The following ZC3H7A variants were observed in gnomAD, a reference collection of about 807,000 sequenced individuals.
The protein encoded by ZC3H7A is zinc finger CCCH-type containing 7A.
A neutral mutation model predicts 125.5 loss-of-function variants in ZC3H7A; 44 were observed. That is an observed-to-expected ratio of 0.35 (90% CI 0.28 to 0.45). The LOEUF (loss-of-function observed/expected upper bound fraction) is 0.45. ZC3H7A is among the 20% of genes least tolerant of loss of function. The pLI, the probability that ZC3H7A is intolerant of heterozygous loss-of-function variation, is 1.00. For missense variants in ZC3H7A, 977 were observed against 1,170.7 expected (o/e 0.83, Z 2.41); for synonymous variants, 399 against 391.2 (o/e 1.02, Z -0.23).
intron 3 of ZC3H7A, 132 bp downstream of exon 3, chr16:11,781,283 AAAAATAAAAT>A (rs372902984): frequency 5.9e-5 from 43 of 722,986 alleles, no homozygotes; most frequent in East Asian, 1.5e-4. Flanking sequence ...TTATTTGCAA[AAAAATAAAAT>A]AAAATAAAAT....
At position 11,768,357 on chromosome 16, in the gene ZC3H7A, G is replaced by A. The variant is rs2052900142; in HGVS notation, c.1318C>T (p.His440Tyr). 1.3e-6 allele frequency: 2 copies of A among 1,584,438 alleles called. No individual in the cohort carries two copies. Among genetic ancestry groups the A allele is most frequent in the Non-Finnish European group, 1.7e-6 (2 of 1,161,824 alleles). ...ATCTGGCAAGCTTGTCTCAATTCAT[G>A]GGTTCCTTCGAGGGGATGTCTTGGA... ...VTPRHPLEGT[H>Y]ELRQACQICF... The change falls in exon 12 of 23, where the codon CAT (histidine) becomes TAT (tyrosine). Residue 440 changes from histidine to tyrosine, a missense_variant. His to Tyr is a moderately conservative substitution (Grantham distance 83). Around this residue, in one of 3 missense-constraint regions of ZC3H7A, gnomAD observed 342 missense variants for 311.3 expected, o/e 1.10. Transcript: ENST00000355758.
At chr16:11,760,139 A>AAAAAAAAAAAAAAAAAG (rs1555493882) in intron 19 of ZC3H7A, among the ~76,000 whole-genome samples, 3 of 149,702 alleles carry the variant, frequency 2.0e-5, no homozygotes, top group South Asian at 2.1e-4. Flanking sequence ...AAAAAAAAAA[A>AAAAAAAAAAAAAAAAAG]AAAAAAGAAA....
chr16:11,783,983 G>GC (rs1182292929), intron 1 of ZC3H7A, among the ~76,000 whole-genome samples: 3 of 136,844 alleles, frequency 2.2e-5, no homozygotes, highest in African/African-American at 7.8e-5. Context: ...CAACAAAAAA[G>GC]GGGGGGGCTG....
chr16:11,768,381 G>A lies in ZC3H7A; in HGVS notation c.1294C>T (p.Pro432Ser), dbSNP rs147099217. Reference protein sequence around the residue: ...AVTKPSSSVTPRHPLEGTHEL... With the variant: ...AVTKPSSSVTSRHPLEGTHEL... ...TGGGTTCCTTCGAGGGGATGTCTTG[G>A]AGTCACTGATGAAGATGGTTTGGTA... The change falls in exon 12 of 23, where the codon CCA becomes TCA. Residue 432 changes from proline (P) to serine (S), a missense_variant. By Grantham distance (74) the Pro-to-Ser change is moderately conservative. This residue lies in a region of ZC3H7A where 342 missense variants were observed against 311.3 expected (regional missense o/e 1.10). Coordinates refer to ENST00000355758, the MANE Select transcript of ZC3H7A (RefSeq NM_014153.4). 7 of 1,598,042 alleles carry A rather than the reference G, an allele frequency of 4.4e-6. No individual in the cohort carries two copies. The highest frequency in any genetic ancestry group is 6.0e-6 in the Non-Finnish European group (7 of 1,169,610).
intron 1 of ZC3H7A, among the ~76,000 whole-genome samples, chr16:11,787,161 G>A (rs1054847021): frequency 6.6e-6 from 1 of 152,028 alleles, no homozygotes; most frequent in Non-Finnish European, 1.5e-5. Flanking sequence ...ATTAAGCCAG[G>A]TGTGGTGGTA....
At chr16:11,762,591 C>T in intron 17 of ZC3H7A, 80 bp downstream of exon 17, 2 of 1,313,032 alleles carry the variant, frequency 1.5e-6, no homozygotes, top group East Asian at 2.3e-5. Flanking sequence ...TAAGTGTTAA[C>T]TGCATCCACC....
chr16:11,789,425 T>C (rs2053314204), intron 1 of ZC3H7A, among the ~76,000 whole-genome samples: 1 of 152,046 alleles, frequency 6.6e-6, no homozygotes, highest in African/African-American at 2.4e-5. Context: ...TGGCTAATTT[T>C]TGTATTTTTG....
chr16:11,762,582 A>C, intron 17 of ZC3H7A, 89 bp downstream of exon 17: 1 of 1,178,536 alleles, frequency 8.5e-7, no homozygotes, highest in East Asian at 2.4e-5. Context: ...ACTGGACTGT[A>C]AGTGTTAACT....
intron 13 of ZC3H7A, among the ~76,000 whole-genome samples, chr16:11,766,252 G>A (rs898755160): frequency 1.3e-5 from 2 of 152,216 alleles, no homozygotes; most frequent in Non-Finnish European, 2.9e-5. Flanking sequence ...CTTAAGGTTT[G>A]AGACAGTCTT....
chr16:11,777,346 T>C (rs2053097903), intron 4 of ZC3H7A, among the ~76,000 whole-genome samples: 1 of 152,220 alleles, frequency 6.6e-6, no homozygotes, highest in African/African-American at 2.4e-5. Context: ...ATGAATGCTC[T>C]TTAACAAAGA....
chr16:11,766,548 A>G (rs1175229914), intron 13 of ZC3H7A, among the ~76,000 whole-genome samples: 2 of 152,234 alleles, frequency 1.3e-5, no homozygotes, highest in Non-Finnish European at 2.9e-5. Flanking sequence ...CCTGGGAGAC[A>G]GAGCGAGACT....
intron 1 of ZC3H7A, among the ~76,000 whole-genome samples, chr16:11,787,486 A>C (rs1381000539): frequency 6.6e-6 from 1 of 152,060 alleles, no homozygotes; most frequent in East Asian, 1.9e-4. Flanking sequence ...TTTTGACACA[A>C]GGTCTTACCC....
intron 12 of ZC3H7A, 94 bp downstream of exon 12, chr16:11,768,192 TCAAAATAGGGATTGAAGAACCATAATAAC>T: frequency 9.9e-7 from 1 of 1,013,222 alleles, no homozygotes; most frequent in Non-Finnish European, 1.3e-6. Flanking sequence ...TAGGAAGAAT[TCAAAATAGGGATTGAAGAACCATAATAAC>T]TGATGTTGTT....
chr16:11,769,710 C>CAAAAA lies in ZC3H7A; in HGVS notation c.1109-620_1109-616dup, dbSNP rs529124830. Among the ~76,000 whole-genome samples the CAAAAA allele has an allele frequency of 8.6e-4, 28 of 32,528 alleles. 1 individual carries two copies. Among genetic ancestry groups the CAAAAA allele is most frequent in the South Asian group, 7.8e-3 (4 of 512 alleles). The allele number at this position is 32,528 out of a possible 152,430, so 21.3% of individuals were successfully genotyped here. ...TGGGCAACAGAGTGAGACTCTGTCT[C>CAAAAA]AAAAAAAAAAAAAAAAAAAGCAGGA... On this transcript the variant is annotated intron_variant, in intron 10 of 22. Transcript: ENST00000355758.
Position 11,761,458 on chromosome 16 carries a change from C to T in ZC3H7A, c.2267G>A (p.Trp756Ter). ...MRVMSIERKK[W>*]MNIRPLPTKK... is the part of the protein sequence containing the mutation. The stretch of plus-strand genomic sequence containing the variant: ...TGTGGGGAGAGGACGGATGTTCATC[C>T]ACTTCTTACGTTCAATAGACATCAC... The change falls in exon 19 of 23, where the codon TGG becomes TAG. Residue 756 changes from tryptophan to a stop codon, truncating the protein, a stop_gained. Transcript: ENST00000355758. LOFTEE classifies it high-confidence loss of function. The T allele has an allele frequency of 6.2e-7, 1 of 1,614,052 alleles. No homozygotes were observed. The highest frequency in any genetic ancestry group is 8.5e-7 in the Non-Finnish European group (1 of 1,179,980).
chr16:11,795,639 T>C (rs1032786457), intron 1 of ZC3H7A, among the ~76,000 whole-genome samples: 2 of 152,114 alleles, frequency 1.3e-5, no homozygotes, highest in Non-Finnish European at 2.9e-5. Flanking sequence ...TTTCTCCATG[T>C]TGGCCAGGCT....
rs569827180 is a variant in ZC3H7A, at chr16:11,782,104, T to A, written c.68+183A>T. Among the ~76,000 whole-genome samples the A allele has an allele frequency of 2.6e-5, 4 of 152,310 alleles. No homozygotes were observed. The East Asian group carries it at 7.7e-4, about 29-fold the overall frequency. Reference sequence around the variant, plus strand: ...CCTAAAAGCCAGCAAAAGTAACACTTGCTTCCGAATGCAAGAATGTTCAAA... The same window carrying A: ...CCTAAAAGCCAGCAAAAGTAACACTAGCTTCCGAATGCAAGAATGTTCAAA... On this transcript the variant is annotated intron_variant, in intron 2 of 22. Coordinates refer to ENST00000355758, the MANE Select transcript of ZC3H7A (RefSeq NM_014153.4).
At chr16:11,776,601 AG>A (rs201764315) in intron 5 of ZC3H7A, 69 bp from the exon 6 acceptor site, 15,172 of 1,514,744 alleles carry the variant, frequency 0.01, 114 homozygotes, top group South Asian at 0.022. Flanking sequence ...TAGACAAAAC[AG>A]GGAAGTTTCC....
At chr16:11,752,072 AT>A (rs1320114329) in intron 22 of ZC3H7A, among the ~76,000 whole-genome samples, 1 of 151,222 alleles carries the variant, frequency 6.6e-6, no homozygotes, top group African/African-American at 2.4e-5. Context: ...CGCCCGGCTA[AT>A]TTTTGTAGTT....
Sources: allele counts gnomAD v4.1 joint callset (sites outside exome capture counted in the v4.1 genomes callset), GRCh38; gene constraint gnomAD v4.1.1; regional missense constraint gnomAD v4.1.1; transcripts MANE v1.5; gene names NCBI Gene and HGNC (gene_info 2026-07-23, HGNC 2026-07-21).